The following DGKB variants were observed in gnomAD, a reference collection of about 807,000 sequenced individuals.
DGKB encodes the protein diacylglycerol kinase beta.
Under a neutral mutation model 114.3 loss-of-function variants are expected in DGKB, and 67 were observed. The ratio of observed to expected loss-of-function variants is 0.59; its 90% CI spans 0.48 to 0.72. The LOEUF (loss-of-function observed/expected upper bound fraction) is 0.72. Among genes scored for constraint, DGKB ranks in the 30% least tolerant of loss-of-function variants. The pLI is 0.00. For synonymous variants in DGKB, 398 were observed against 323.1 expected, an observed-to-expected ratio of 1.23 and a Z score of -2.49; for missense variants, 907 against 975.2, an observed-to-expected ratio of 0.93 and a Z score of 0.93.
chr7:14,428,513 C>G (rs1207702404), intron 21 of DGKB, among the ~76,000 whole-genome samples: 1 of 152,066 alleles, frequency 6.6e-6, no homozygotes, highest in African/African-American at 2.4e-5. Flanking sequence ...CAATATTTTT[C>G]TTGTTGCTTT....
rs192973607 is a variant in DGKB at position 14,639,521 on chromosome 7, A to C, written c.1135-9253T>G. 1.2e-4 allele frequency among the ~76,000 whole-genome samples: 19 copies of C among 152,314 alleles called. 1 individual carries two copies. The East Asian group carries it at 3.7e-3, about 29-fold the overall frequency. On this transcript the variant is annotated intron_variant, in intron 13 of 25. Coordinates refer to ENST00000402815, the MANE Select transcript of DGKB (RefSeq NM_001350709.2). ...TGAAAGCTTGCAGCCGTCCCTAAGA[A>C]TTAACCTTTATCCACAGAAATAGGC...
chr7:14,715,797 A>G (rs1017318947), intron 6 of DGKB, among the ~76,000 whole-genome samples: 4 of 152,196 alleles, frequency 2.6e-5, no homozygotes, highest in Admixed American at 2.6e-4. Context: ...AACATTGATA[A>G]GCAAAAAGTG....
chr7:14,329,481 T>C (rs1338255871), intron 23 of DGKB, among the ~76,000 whole-genome samples: 2 of 152,018 alleles, frequency 1.3e-5, no homozygotes, highest in Admixed American at 1.3e-4. Context: ...GTTATTATTC[T>C]CTATCTGGAG....
intron 23 of DGKB, among the ~76,000 whole-genome samples, chr7:14,246,477 G>C (rs1794497292): frequency 6.6e-6 from 1 of 152,072 alleles, no homozygotes; most frequent in Admixed American, 6.5e-5. Flanking sequence ...TTGTCAGATT[G>C]GGCTGACAAT....
chr7:14,760,437 C>T (rs971610308), intron 2 of DGKB, among the ~76,000 whole-genome samples: 2 of 152,074 alleles, frequency 1.3e-5, no homozygotes, highest in African/African-American at 2.4e-5. Flanking sequence ...TTGTTAGACA[C>T]TTACACTGCA....
At chr7:14,953,310 A>G (rs894851918) in intron 1 of DGKB, among the ~76,000 whole-genome samples, 3 of 152,156 alleles carry the variant, frequency 2.0e-5, no homozygotes, top group African/African-American at 7.2e-5. Flanking sequence ...TATTTACCTG[A>G]TAAAGGAATT....
intron 17 of DGKB, among the ~76,000 whole-genome samples, chr7:14,601,875 C>T (rs544909795): frequency 1.3e-5 from 2 of 152,214 alleles, no homozygotes; most frequent in South Asian, 4.2e-4. Flanking sequence ...TTGTTCGCAA[C>T]CATGTAGATA....
chr7:14,830,961 G>A (rs1015778711), intron 2 of DGKB, among the ~76,000 whole-genome samples: 1 of 152,032 alleles, frequency 6.6e-6, no homozygotes, highest in Non-Finnish European at 1.5e-5. Flanking sequence ...ATATCTGTGT[G>A]TTAAGAGACT....
chr7:14,713,722 G>A (rs1200178224), intron 6 of DGKB, among the ~76,000 whole-genome samples: 2 of 151,090 alleles, frequency 1.3e-5, no homozygotes, highest in South Asian at 4.2e-4. Flanking sequence ...AGTTTCTAAG[G>A]TTAATACTGC....
At chr7:14,714,825 T>C (rs919249018) in intron 6 of DGKB, among the ~76,000 whole-genome samples, 3 of 152,176 alleles carry the variant, frequency 2.0e-5, no homozygotes, top group Non-Finnish European at 4.4e-5. Flanking sequence ...ATTGACATCA[T>C]GGATTATGAG....
chr7:14,440,194 T>C (rs1488802091), intron 21 of DGKB, among the ~76,000 whole-genome samples: 3 of 152,126 alleles, frequency 2.0e-5, no homozygotes, highest in African/African-American at 7.2e-5. Context: ...GTTAACATTA[T>C]CACTAACAGG....
chr7:14,318,459 A>G (rs1585105714), intron 23 of DGKB, among the ~76,000 whole-genome samples: 1 of 152,352 alleles, frequency 6.6e-6, no homozygotes, highest in East Asian at 1.9e-4. Flanking sequence ...AAACAACCCC[A>G]TCGAAAAGTG....
intron 20 of DGKB, 32 bp from the exon 21 acceptor site, chr7:14,478,257 ATGGT>A: frequency 7.6e-7 from 1 of 1,315,444 alleles, no homozygotes; most frequent in Non-Finnish European, 1.1e-6. Flanking sequence ...CAAAAACAGG[ATGGT>A]TTATGATCCT....
intron 23 of DGKB, among the ~76,000 whole-genome samples, chr7:14,337,342 T>G (rs528436363): frequency 6.6e-6 from 1 of 152,248 alleles, no homozygotes; most frequent in South Asian, 2.1e-4. Flanking sequence ...AGTATGTAAT[T>G]TTTTAATTGA....
At chr7:14,590,353 C>T (rs765755769) in intron 17 of DGKB, among the ~76,000 whole-genome samples, 4 of 152,068 alleles carry the variant, frequency 2.6e-5, no homozygotes, top group South Asian at 2.1e-4. Flanking sequence ...TTGTAAAACA[C>T]GGCAGTAGCT....
intron 4 of DGKB, among the ~76,000 whole-genome samples, chr7:14,750,545 T>C (rs1394038408): frequency 6.6e-6 from 1 of 152,130 alleles, no homozygotes; most frequent in Non-Finnish European, 1.5e-5. Context: ...TGTTCTTACT[T>C]GATTGGACTG....
chr7:14,248,783 G>A (rs1794817694), intron 23 of DGKB, among the ~76,000 whole-genome samples: 1 of 152,032 alleles, frequency 6.6e-6, no homozygotes, highest in Non-Finnish European at 1.5e-5. Context: ...TATGTCGTCT[G>A]CAAAGATACC....
At chr7:14,754,454 C>T (rs888893340) in intron 3 of DGKB, among the ~76,000 whole-genome samples, 20 of 152,120 alleles carry the variant, frequency 1.3e-4, no homozygotes, top group Admixed American at 3.9e-4. Flanking sequence ...ATTAGCGTCA[C>T]GCCTAGCATC....
Position 14,270,835 on chromosome 7 carries a change from G to C in DGKB, c.2122+67680C>G, listed in dbSNP as rs767363653. On this transcript the variant is annotated intron_variant, in intron 23 of 25. Transcript: ENST00000402815. The stretch of plus-strand genomic sequence containing the variant: ...CCTGCCTTCGAAAGCTTTCTGTAGG[G>C]GGGTGGGGTAGAAGGGTTAGGTATT... 7.2e-5 allele frequency among the ~76,000 whole-genome samples: 11 copies of C among 152,126 alleles called. 1 individual carries two copies. Among genetic ancestry groups the C allele is most frequent in the Admixed American group, 5.9e-4 (9 of 15,262 alleles).
Sources: allele counts gnomAD v4.1 joint callset (sites outside exome capture counted in the v4.1 genomes callset), GRCh38; gene constraint gnomAD v4.1.1; transcripts MANE v1.5; gene names NCBI Gene and HGNC (gene_info 2026-07-23, HGNC 2026-07-21).